Variants in TOX4 observed in about 807,000 individuals in gnomAD.
TOX4 encodes epidermal Langerhans cell protein LCP1.
Under a neutral mutation model 61.0 loss-of-function variants are expected in TOX4, and 12 were observed. The ratio of observed to expected loss-of-function variants is 0.20; its 90% CI spans 0.13 to 0.32. The LOEUF is 0.32. Among genes scored for constraint, TOX4 ranks in the 10% least tolerant of loss-of-function variants. The pLI is 1.00. For missense variants in TOX4, 499 were observed against 753.3 expected (o/e 0.66, Z 3.95); for synonymous variants, 268 against 274.8 (o/e 0.98, Z 0.24).
intron 3 of TOX4, 168 bp downstream of exon 3, chr14:21,487,861 G>A: frequency 1.5e-6 from 1 of 676,430 alleles, no homozygotes; most frequent in Non-Finnish European, 2.1e-6. Context: ...AATTTACCAT[G>A]TAGGTAGATT....
Position 21,498,787 on chromosome 14 carries a change from G to A in TOX4, c.*2181G>A. The stretch of plus-strand genomic sequence containing the variant: ...ACAGAATGGCTGAGGAAGATCCTTG[G>A]GTTGTGAAGAGAGTAGAAACCCTAG... On this transcript the variant is annotated 3_prime_UTR_variant, in exon 9 of 9. Transcript: ENST00000448790. 1.9e-6 allele frequency: 1 copy of A among 514,214 alleles called. No homozygotes were observed. Among genetic ancestry groups the A allele is most frequent in the Non-Finnish European group, 3.5e-6 (1 of 288,498 alleles). The allele number at this position is 514,214 out of a possible 1,614,324, so 31.9% of individuals were successfully genotyped here.
chr14:21,493,171 C>T lies in TOX4; in HGVS notation c.1555C>T (p.Pro519Ser). 1 of 1,614,168 alleles carries T rather than the reference C, an allele frequency of 6.2e-7. No individual in the cohort carries two copies. Among genetic ancestry groups the T allele is most frequent in the Non-Finnish European group, 8.5e-7 (1 of 1,180,024 alleles). The change falls in exon 7 of 9, where the codon CCT (proline) becomes TCT (serine). Residue 519 changes from proline (P) to serine (S), a missense_variant. Transcript: ENST00000448790. The part of the protein sequence containing the change: ...PPTVESSPER[P>S]MNNSPEAHTV... ...AACTGTGGAAAGTAGTCCTGAGCGG[C>T]CTATGAACAACAGCCCTGAGGCCCA...
intron 5 of TOX4, among the ~76,000 whole-genome samples, chr14:21,490,291 A>G (rs1891263654): frequency 6.6e-6 from 1 of 151,812 alleles, no homozygotes; most frequent in Non-Finnish European, 1.5e-5. Flanking sequence ...ATCCTGGCTG[A>G]CATTGAAACC....
intron 5 of TOX4, among the ~76,000 whole-genome samples, chr14:21,491,767 T>G (rs1374710389): frequency 6.6e-6 from 1 of 150,974 alleles, no homozygotes. Context: ...ATCCCAGCAC[T>G]TTGGGAGGCA....
In TOX4 at chr14:21,498,436, A is replaced by G; in HGVS notation, c.*1830A>G. 1 of 1,470,268 alleles carries G rather than the reference A, an allele frequency of 6.8e-7. No individual in the cohort carries two copies. The highest frequency in any genetic ancestry group is 9.4e-7 in the Non-Finnish European group (1 of 1,060,314). 91.1% of individuals were successfully genotyped at this position (1,470,268 alleles called of 1,614,324 possible). A position where few individuals can be genotyped will look rare whatever the true frequency, so the allele number is the denominator to read the frequency against. On this transcript the variant is annotated 3_prime_UTR_variant, in exon 9 of 9. Transcript: ENST00000448790. ...ATTAGAGGGTTTAATATTGTTAAAA[A>G]ATGCATACCAAATGAAGACTGCCTA... is the stretch of plus-strand genomic sequence containing the variant.
At chr14:21,492,189 A>G (rs1181886021) in intron 5 of TOX4, 107 bp from the exon 6 acceptor site, 1 of 1,089,704 alleles carries the variant, frequency 9.2e-7, no homozygotes, top group Non-Finnish European at 1.3e-6. Flanking sequence ...GTTGTCAGTG[A>G]TTAGACTAAG....
chr14:21,488,394 A>T (rs1891226135), intron 3 of TOX4, 196 bp from the exon 4 acceptor site: 1 of 610,584 alleles, frequency 1.6e-6, no homozygotes, highest in Non-Finnish European at 2.8e-6. Context: ...TTGAGTGCAA[A>T]GAAGTAAATT....
At chr14:21,492,085 G>A (rs188307500) in intron 5 of TOX4, 2 of 459,776 alleles carry the variant, frequency 4.3e-6, no homozygotes, top group East Asian at 3.4e-5. Flanking sequence ...GACTCCTGTC[G>A]ATTGGTTGTC....
At position 21,498,809 on chromosome 14, in the gene TOX4, C is replaced by CCCT; in HGVS notation, c.*2203_*2204insCCT. The CCCT allele has an allele frequency of 1.8e-6, 1 of 545,894 alleles. No homozygotes were observed. Among genetic ancestry groups the CCCT allele is most frequent in the South Asian group, 2.2e-5 (1 of 44,492 alleles). 33.8% of individuals were successfully genotyped at this position (545,894 alleles called of 1,614,324 possible). A position where few individuals can be genotyped will look rare whatever the true frequency, so the allele number is the denominator to read the frequency against. Reference sequence around the variant, plus strand: ...TTGGGTTGTGAAGAGAGTAGAAACCCTAGGGAGCAGTGCTTTTGGGTCCTA... The same window carrying CCCT: ...TTGGGTTGTGAAGAGAGTAGAAACCCCCTTAGGGAGCAGTGCTTTTGGGTCCTA... On this transcript the variant is annotated 3_prime_UTR_variant, in exon 9 of 9. Transcript: ENST00000448790.
chr14:21,483,832 G>A (rs955228242), intron 2 of TOX4, among the ~76,000 whole-genome samples: 2 of 152,056 alleles, frequency 1.3e-5, no homozygotes, highest in African/African-American at 4.8e-5. Context: ...GTGTGAGACA[G>A]AGTCTTGCTC....
At chr14:21,489,461 A>C (rs1891246892) in intron 5 of TOX4, 58 bp downstream of exon 5, 4 of 1,479,616 alleles carry the variant, frequency 2.7e-6, no homozygotes, top group Non-Finnish European at 3.7e-6. Context: ...AAGAGATAAA[A>C]ATTGAGGTTT....
chr14:21,489,583 A>C (rs567146643), intron 5 of TOX4, among the ~76,000 whole-genome samples, 180 bp downstream of exon 5: 2 of 151,882 alleles, frequency 1.3e-5, no homozygotes, highest in East Asian at 3.9e-4. Context: ...AACCTATTTA[A>C]ATTTTTTTTT....
chr14:21,477,625 T>C (rs753493541), intron 2 of TOX4, 61 bp downstream of exon 2: 1 of 1,579,830 alleles, frequency 6.3e-7, no homozygotes, highest in Admixed American at 1.7e-5. Context: ...GGTAGGGTAG[T>C]GGGGAGGAGA....
chr14:21,494,114 G>A (rs1408204219), intron 7 of TOX4, among the ~76,000 whole-genome samples: 1 of 152,132 alleles, frequency 6.6e-6, no homozygotes, highest in East Asian at 1.9e-4. Context: ...CTAAGCAGAG[G>A]TCACTAGTTC....
At chr14:21,495,166 GCTAA>G in intron 7 of TOX4, 59 bp from the exon 8 acceptor site, 1 of 1,560,016 alleles carries the variant, frequency 6.4e-7, no homozygotes, top group Non-Finnish European at 8.7e-7. Flanking sequence ...AGATAATTTA[GCTAA>G]CTAGCTAGCT....
intron 8 of TOX4, 138 bp from the exon 9 acceptor site, chr14:21,496,408 T>G (rs898533795): frequency 3.7e-5 from 24 of 644,052 alleles, no homozygotes; most frequent in African/African-American, 7.5e-5. Flanking sequence ...GCACCTGTAG[T>G]CCCAGCTACT....
intron 2 of TOX4, among the ~76,000 whole-genome samples, chr14:21,484,639 G>A (rs1891168297): frequency 1.0e-5 from 1 of 99,036 alleles, no homozygotes; most frequent in Admixed American, 9.1e-5. Flanking sequence ...CATGAGCCAC[G>A]GCACCCGGCC....
intron 2 of TOX4, among the ~76,000 whole-genome samples, chr14:21,479,386 C>T (rs1282305387): frequency 1.3e-5 from 2 of 151,706 alleles, no homozygotes; most frequent in Non-Finnish European, 2.9e-5. Flanking sequence ...TGCGGTGGCT[C>T]ATGCCTGTAA....
At chr14:21,487,265 A>G (rs775969184) in intron 2 of TOX4, among the ~76,000 whole-genome samples, 186 bp from the exon 3 acceptor site, 2 of 152,220 alleles carry the variant, frequency 1.3e-5, no homozygotes, top group South Asian at 4.1e-4. Context: ...GAATGTACCA[A>G]ATGACCAAGG....
Sources: gnomAD v4.1 joint callset for allele counts (sites outside exome capture counted in the v4.1 genomes callset) on GRCh38, gnomAD v4.1.1 for gene constraint, MANE v1.5 for transcripts, NCBI Gene and HGNC (gene_info 2026-07-23, HGNC 2026-07-21) for gene names.